The following SMAP1 variants were observed in gnomAD, a reference collection of about 807,000 sequenced individuals.
SMAP1 encodes the protein small ArfGAP 1.
A neutral mutation model predicts 58.5 loss-of-function variants in SMAP1; 24 were observed. The ratio of observed to expected loss-of-function variants is 0.41; its 90% CI spans 0.30 to 0.58. The LOEUF is 0.58. Among genes scored for constraint, SMAP1 ranks in the 20% least tolerant of loss-of-function variants. The probability of loss-of-function intolerance (pLI) is 0.29; values close to 1 mark genes in which losing one functional copy is unlikely to be tolerated. For synonymous variants in SMAP1, 216 were observed against 196.6 expected, an observed-to-expected ratio of 1.10 and a Z score of -0.82; for missense variants, 563 against 566.3, an observed-to-expected ratio of 0.99 and a Z score of 0.06.
chr6:70,839,105 A>G lies in SMAP1; in HGVS notation c.664+2077A>G, dbSNP rs191131021. The stretch of plus-strand genomic sequence containing the variant: ...TCCATTATTGTTGGAATAATACTGC[A>G]TAGTAAATAAGCCTCAGGTTTCAAC... On this transcript the variant is annotated intron_variant, in intron 7 of 10. Transcript: ENST00000370455. 4.2e-4 allele frequency among the ~76,000 whole-genome samples: 64 copies of G among 152,282 alleles called. No individual in the cohort carries two copies. In the East Asian group the frequency reaches 5.4e-3, roughly 13 times the overall value.
At chr6:70,817,245 C>G (rs117700647) in intron 6 of SMAP1, among the ~76,000 whole-genome samples, 3,566 of 151,910 alleles carry the variant, frequency 0.023, 52 homozygotes, top group Non-Finnish European at 0.037. Context: ...GTTTTCTCAC[C>G]ACACCTTAGG....
At chr6:70,705,367 T>G (rs1767798629) in intron 1 of SMAP1, among the ~76,000 whole-genome samples, 2 of 151,914 alleles carry the variant, frequency 1.3e-5, no homozygotes, top group South Asian at 4.2e-4. Flanking sequence ...TTCTCCTGCC[T>G]CAGCCTCCCA....
rs761199381 is a variant in SMAP1, at chr6:70,852,578, A to G, written c.703A>G (p.Thr235Ala). The change falls in exon 8 of 11, where the codon ACG (threonine) becomes GCG (alanine). Residue 235 changes from threonine to alanine, a missense_variant. By Grantham distance (58) the Thr-to-Ala change is moderately conservative. Coordinates refer to ENST00000370455, the MANE Select transcript of SMAP1 (RefSeq NM_001044305.3). ...AVAPVTNGNT[T>A]VPPLNDDLDI... ...GGCACCAGTGACCAACGGGAACACAACGGTGCCACCCCTGAACGATGATCT... is the reference window on the plus strand; with the variant it reads ...GGCACCAGTGACCAACGGGAACACAGCGGTGCCACCCCTGAACGATGATCT... 6 of 1,609,096 alleles carry G rather than the reference A, an allele frequency of 3.7e-6. No homozygotes were observed. In the South Asian group the frequency reaches 5.6e-5, roughly 15 times the overall value.
At chr6:70,753,457 C>T (rs1449447403) in intron 2 of SMAP1, among the ~76,000 whole-genome samples, 1 of 152,122 alleles carries the variant, frequency 6.6e-6, no homozygotes, top group Non-Finnish European at 1.5e-5. Context: ...TTTATGATTA[C>T]ATAACTTGAT....
chr6:70,803,476 T>C (rs558990196), intron 6 of SMAP1, among the ~76,000 whole-genome samples: 5 of 152,342 alleles, frequency 3.3e-5, no homozygotes, highest in Non-Finnish European at 7.3e-5. Flanking sequence ...TTGAAGGTTT[T>C]TTTGTGTCTC....
intron 1 of SMAP1, among the ~76,000 whole-genome samples, chr6:70,721,162 A>G (rs959706697): frequency 1.3e-5 from 2 of 152,204 alleles, no homozygotes; most frequent in Non-Finnish European, 2.9e-5. Context: ...GTCAGGCTGC[A>G]AAGTTTTTTC....
chr6:70,763,365 T>C (rs890552746), intron 3 of SMAP1, among the ~76,000 whole-genome samples: 5 of 152,172 alleles, frequency 3.3e-5, no homozygotes, highest in African/African-American at 9.7e-5. Flanking sequence ...GCAAATGTTA[T>C]AACAAAATTA....
intron 6 of SMAP1, among the ~76,000 whole-genome samples, chr6:70,820,491 C>A (rs1769838654): frequency 6.6e-6 from 1 of 152,122 alleles, no homozygotes; most frequent in South Asian, 2.1e-4. Flanking sequence ...GCGGGCGGAT[C>A]ATGAGGTCAG....
At chr6:70,817,966 C>T (rs1285109436) in intron 6 of SMAP1, among the ~76,000 whole-genome samples, 1 of 152,136 alleles carries the variant, frequency 6.6e-6, no homozygotes, top group Non-Finnish European at 1.5e-5. Context: ...ACTAAAATAG[C>T]CAACAATGAC....
At chr6:70,828,701 T>C (rs1269309471) in intron 6 of SMAP1, among the ~76,000 whole-genome samples, 1 of 152,220 alleles carries the variant, frequency 6.6e-6, no homozygotes, top group Non-Finnish European at 1.5e-5. Context: ...GATTCATCTT[T>C]TATTCCTTAC....
intron 7 of SMAP1, among the ~76,000 whole-genome samples, chr6:70,850,089 A>G (rs1197571376): frequency 6.6e-6 from 1 of 152,232 alleles, no homozygotes; most frequent in Non-Finnish European, 1.5e-5. Flanking sequence ...ATTTGAAAGT[A>G]TAAGTAAATA....
At chr6:70,763,106 C>CTTTGTT (rs1766820758) in intron 3 of SMAP1, among the ~76,000 whole-genome samples, 1 of 84,472 alleles carries the variant, frequency 1.2e-5, no homozygotes, top group Non-Finnish European at 2.2e-5. Flanking sequence ...ACAGATATTA[C>CTTTGTT]TTTTTTTTTT....
chr6:70,726,477 T>C (rs1768790867), intron 1 of SMAP1, among the ~76,000 whole-genome samples: 2 of 152,208 alleles, frequency 1.3e-5, no homozygotes, highest in South Asian at 2.1e-4. Flanking sequence ...TCTTGGGGCA[T>C]TGGAGAAGGC....
At chr6:70,778,191 C>T (rs117641444) in intron 4 of SMAP1, among the ~76,000 whole-genome samples, 3,568 of 152,196 alleles carry the variant, frequency 0.023, 52 homozygotes, top group Non-Finnish European at 0.037. Context: ...TATCTACCCC[C>T]TCAAGTGTTA....
chr6:70,715,765 G>T (rs1768243284), intron 1 of SMAP1, among the ~76,000 whole-genome samples: 1 of 152,054 alleles, frequency 6.6e-6, no homozygotes, highest in Non-Finnish European at 1.5e-5. Context: ...CATAGGTTTT[G>T]GGGGAACAAG....
intron 6 of SMAP1, among the ~76,000 whole-genome samples, chr6:70,806,805 T>A (rs563987008): frequency 2.4e-4 from 36 of 152,334 alleles, no homozygotes; most frequent in African/African-American, 8.4e-4. Flanking sequence ...GGAACCATGC[T>A]TATCTCATTT....
At chr6:70,715,596 A>G (rs1474566584) in intron 1 of SMAP1, among the ~76,000 whole-genome samples, 3 of 152,064 alleles carry the variant, frequency 2.0e-5, no homozygotes, top group Admixed American at 6.5e-5. Context: ...GCAGTCCCCA[A>G]CTTTTTTGGC....
intron 1 of SMAP1, among the ~76,000 whole-genome samples, chr6:70,723,104 TTTTG>T (rs1456837002): frequency 3.3e-5 from 5 of 152,304 alleles, no homozygotes; most frequent in East Asian, 1.9e-4. Context: ...TTATAGACTC[TTTTG>T]TTTGTTTGTT....
At chr6:70,790,402 G>A (rs1468339517) in intron 4 of SMAP1, among the ~76,000 whole-genome samples, 1 of 152,124 alleles carries the variant, frequency 6.6e-6, no homozygotes, top group African/African-American at 2.4e-5. Flanking sequence ...GCCTCCCAAA[G>A]TGCTTTATTC....
Sources: allele counts gnomAD v4.1 joint callset (sites outside exome capture counted in the v4.1 genomes callset), GRCh38; gene constraint gnomAD v4.1.1; transcripts MANE v1.5; gene names NCBI Gene and HGNC (gene_info 2026-07-23, HGNC 2026-07-21).